Variants in RBFOX1 observed in about 807,000 individuals in gnomAD.
RBFOX1 encodes RNA binding protein fox-1 homolog 1.
A neutral mutation model predicts 57.7 loss-of-function variants in RBFOX1; 8 were observed. The observed-to-expected ratio is 0.14, with a 90% CI of 0.08 to 0.25. The LOEUF is 0.25. Among genes scored for constraint, RBFOX1 ranks in the 10% least tolerant of loss-of-function variants. RBFOX1 has a pLI of 1.00. For synonymous variants in RBFOX1, 326 were observed against 222.4 expected, an observed-to-expected ratio of 1.47 and a Z score of -4.15; for missense variants, 611 against 548.5, an observed-to-expected ratio of 1.11 and a Z score of -1.14.
At chr16:5,562,166 A>G (rs2045911451) in intron 2 of RBFOX1, among the ~76,000 whole-genome samples, 1 of 152,198 alleles carries the variant, frequency 6.6e-6, no homozygotes, top group Non-Finnish European at 1.5e-5. Flanking sequence ...CAGGAAAAAG[A>G]AAGATTTGAT....
intron 1 of RBFOX1, among the ~76,000 whole-genome samples, chr16:5,262,020 C>T (rs898794452): frequency 6.6e-6 from 1 of 152,152 alleles, no homozygotes; most frequent in African/African-American, 2.4e-5. Flanking sequence ...GAATCACTGT[C>T]TTGATTTATA....
intron 1 of RBFOX1, among the ~76,000 whole-genome samples, chr16:5,255,234 C>T (rs2062554315): frequency 2.6e-5 from 4 of 151,822 alleles, no homozygotes; most frequent in Admixed American, 1.3e-4. Flanking sequence ...GATGACACAC[C>T]CTAGGAAAAT....
At chr16:7,177,525 G>T (rs372077817) in intron 4 of RBFOX1, among the ~76,000 whole-genome samples, 6 of 152,138 alleles carry the variant, frequency 3.9e-5, no homozygotes, top group African/African-American at 1.4e-4. Context: ...GTAGATCAGG[G>T]ATGCTTTATA....
chr16:7,668,140 T>C (rs908322539), intron 13 of RBFOX1, among the ~76,000 whole-genome samples: 3 of 152,198 alleles, frequency 2.0e-5, no homozygotes, highest in Non-Finnish European at 2.9e-5. Flanking sequence ...TCAGAACTAC[T>C]GGGCTTTTCT....
intron 4 of RBFOX1, among the ~76,000 whole-genome samples, chr16:7,507,806 G>C (rs185134419): frequency 6.6e-6 from 1 of 151,884 alleles, no homozygotes; most frequent in Non-Finnish European, 1.5e-5. Context: ...GTCGTGATCC[G>C]CCCGCCTCGG....
chr16:6,114,861 A>G (rs2096482808), intron 1 of RBFOX1, among the ~76,000 whole-genome samples: 1 of 152,168 alleles, frequency 6.6e-6, no homozygotes, highest in Non-Finnish European at 1.5e-5. Flanking sequence ...GGCTCCTTGC[A>G]GAGGAGGGCT....
chr16:5,704,703 C>T (rs1241442355), intron 3 of RBFOX1, among the ~76,000 whole-genome samples: 1 of 152,066 alleles, frequency 6.6e-6, no homozygotes, highest in African/African-American at 2.4e-5. Flanking sequence ...TCATTTGGCT[C>T]ATTTATATTT....
chr16:7,160,765 C>T (rs1336767825), intron 4 of RBFOX1, among the ~76,000 whole-genome samples: 2 of 151,358 alleles, frequency 1.3e-5, no homozygotes, highest in Non-Finnish European at 2.9e-5. Context: ...TCCTCCTCCT[C>T]CTCCGCCTCC....
intron 4 of RBFOX1, among the ~76,000 whole-genome samples, chr16:5,867,705 C>G (rs12924516): frequency 0.49 from 74,058 of 151,836 alleles, 18,419 homozygotes; most frequent in East Asian, 0.58. Context: ...TATTTTTTTC[C>G]TTTCCTTTAT....
Position 6,276,257 on chromosome 16 carries a change from G to A in RBFOX1, c.-126-40738G>A, listed in dbSNP as rs1209110048. Among the ~76,000 whole-genome samples the A allele has an allele frequency of 2.0e-5, 3 of 152,350 alleles. No homozygotes were observed. In the East Asian group the frequency reaches 5.8e-4, roughly 29 times the overall value. On this transcript the variant is annotated intron_variant, in intron 1 of 15. Transcript: ENST00000550418. The stretch of plus-strand genomic sequence containing the variant: ...ATCATTTTAGATAAATATGTCAAAT[G>A]TGTGGAATGTCACGGAAGTGGTCGT...
chr16:6,828,352 C>T (rs1462303198), intron 3 of RBFOX1, among the ~76,000 whole-genome samples: 1 of 151,918 alleles, frequency 6.6e-6, no homozygotes, highest in Non-Finnish European at 1.5e-5. Context: ...GATGAAACCC[C>T]ATCTCTACTC....
intron 4 of RBFOX1, among the ~76,000 whole-genome samples, chr16:7,066,214 A>G (rs2055988985): frequency 1.3e-5 from 2 of 152,230 alleles, no homozygotes. Flanking sequence ...TAAGAGTTAG[A>G]ACCATAGCTA....
rs368908819 is a variant in RBFOX1 at position 6,652,994 on chromosome 16, C to G, written c.-63-1609C>G. ...GTAAACATCTCCCTGTGATCTCATTCCCCTTTATTTTCCTCTCTTACTTCC... is the reference window on the plus strand; with the variant it reads ...GTAAACATCTCCCTGTGATCTCATTGCCCTTTATTTTCCTCTCTTACTTCC... On this transcript the variant is annotated intron_variant, in intron 2 of 15. Coordinates refer to ENST00000550418, the MANE Select transcript of RBFOX1 (RefSeq NM_018723.4). Among the ~76,000 whole-genome samples the G allele has an allele frequency of 2.1e-4, 32 of 152,212 alleles. No individual in the cohort carries two copies. In the East Asian group the frequency reaches 5.6e-3, roughly 27 times the overall value.
At chr16:7,417,215 C>CA (rs1412627613) in intron 4 of RBFOX1, among the ~76,000 whole-genome samples, 1 of 151,736 alleles carries the variant, frequency 6.6e-6, no homozygotes, top group Non-Finnish European at 1.5e-5. Context: ...ACTAAAAATA[C>CA]AAAAAATACT....
intron 2 of RBFOX1, among the ~76,000 whole-genome samples, chr16:6,562,213 C>G (rs538890167): frequency 1.3e-5 from 2 of 152,310 alleles, no homozygotes; most frequent in South Asian, 4.1e-4. Flanking sequence ...TGCCAGCCCT[C>G]TGAACTTGTA....
chr16:5,492,869 C>G (rs1269361307), intron 2 of RBFOX1, among the ~76,000 whole-genome samples: 2 of 152,192 alleles, frequency 1.3e-5, no homozygotes, highest in East Asian at 1.9e-4. Flanking sequence ...TAAGAGTGAC[C>G]TCTATGGGAG....
chr16:5,545,958 A>G (rs751528334), intron 2 of RBFOX1, among the ~76,000 whole-genome samples: 7 of 152,148 alleles, frequency 4.6e-5, no homozygotes, highest in African/African-American at 1.2e-4. Flanking sequence ...TTGCTGAACA[A>G]CTATGAATTT....
intron 13 of RBFOX1, among the ~76,000 whole-genome samples, chr16:7,673,341 C>T (rs554963700): frequency 5.2e-4 from 79 of 152,304 alleles, no homozygotes; most frequent in African/African-American, 1.9e-3. Context: ...AACTGAGCAT[C>T]TGCCAAACCA....
At chr16:6,180,066 C>T (rs774530542) in intron 1 of RBFOX1, among the ~76,000 whole-genome samples, 8 of 152,116 alleles carry the variant, frequency 5.3e-5, no homozygotes, top group Non-Finnish European at 1.0e-4. Context: ...ATGTTTGCAT[C>T]TATATTTATA....
Sources: gnomAD v4.1 joint callset for allele counts (sites outside exome capture counted in the v4.1 genomes callset) on GRCh38, gnomAD v4.1.1 for gene constraint, MANE v1.5 for transcripts, NCBI Gene and HGNC (gene_info 2026-07-23, HGNC 2026-07-21) for gene names.